CFTR: variants seen among roughly 807,000 people sequenced by gnomAD.
CFTR encodes CF transmembrane conductance regulator.
In CFTR, 181 loss-of-function variants were observed where a neutral mutation model predicts 171.6. The ratio of observed to expected loss-of-function variants is 1.05; its 90% CI spans 0.93 to 1.19. CFTR has a LOEUF of 1.19. CFTR is among the 50% of genes most tolerant of loss of function. CFTR has a pLI of 0.00. For missense variants in CFTR, 1,968 were observed against 1,734.7 expected (o/e 1.13, Z -2.39); for synonymous variants, 583 against 608.0 (o/e 0.96, Z 0.60).
intron 15 of CFTR, among the ~76,000 whole-genome samples, chr7:117,598,395 A>G (rs1353860961): frequency 3.3e-5 from 5 of 152,172 alleles, no homozygotes; most frequent in East Asian, 1.9e-4. Context: ...ATAAATTTGT[A>G]AATAACTGAG....
intron 11 of CFTR, among the ~76,000 whole-genome samples, chr7:117,570,413 G>A (rs186017432): frequency 4.8e-4 from 73 of 152,208 alleles, no homozygotes; most frequent in Admixed American, 1.4e-3. Context: ...TGTGTCTTCC[G>A]CAGTTGCTTT....
At position 117,533,079 on chromosome 7, in the gene CFTR, A is replaced by G. The variant is rs186837172; in HGVS notation, c.490-1197A>G. 3.3e-4 allele frequency among the ~76,000 whole-genome samples: 51 copies of G among 152,318 alleles called. No individual in the cohort carries two copies. The East Asian group carries it at 8.7e-3, about 26-fold the overall frequency. On this transcript the variant is annotated intron_variant, in intron 4 of 26. Transcript: ENST00000003084. Reference sequence around the variant, plus strand: ...TGAGCTTTGCCTATACTTTTCAAGAATGCAGAGATAACTAAATTAATAAAA... The same window carrying G: ...TGAGCTTTGCCTATACTTTTCAAGAGTGCAGAGATAACTAAATTAATAAAA...
intron 4 of CFTR, among the ~76,000 whole-genome samples, chr7:117,533,122 A>C (rs1236928644): frequency 6.6e-6 from 1 of 152,168 alleles, no homozygotes; most frequent in Non-Finnish European, 1.5e-5. Context: ...TTGAGTCCTT[A>C]CTGTGCACAC....
chr7:117,623,398 A>G (rs1484868658), intron 21 of CFTR, among the ~76,000 whole-genome samples: 1 of 152,202 alleles, frequency 6.6e-6, no homozygotes, highest in East Asian at 1.9e-4. Context: ...GCTGGGGTTA[A>G]GGAGTTTGCC....
chr7:117,604,923 C>T (rs1208153701), intron 17 of CFTR: 1 of 152,230 alleles, frequency 6.6e-6, no homozygotes, highest in Admixed American at 6.5e-5. Flanking sequence ...ATTGCCTGAG[C>T]TCTGAGTTGG....
chr7:117,535,492 T>A, intron 6 of CFTR, 81 bp downstream of exon 6: 2 of 1,178,166 alleles, frequency 1.7e-6, no homozygotes, highest in Non-Finnish European at 2.5e-6. Flanking sequence ...AGGACTGCTC[T>A]ATGCATAGAA....
At chr7:117,530,839 C>T in intron 3 of CFTR, 60 bp from the exon 4 acceptor site, 1 of 1,154,306 alleles carries the variant, frequency 8.7e-7, no homozygotes, top group African/African-American at 1.5e-5. Context: ...TGTTGAAATT[C>T]TCAGGGTATT....
At chr7:117,556,493 T>C (rs1201958273) in intron 10 of CFTR, among the ~76,000 whole-genome samples, 1 of 150,772 alleles carries the variant, frequency 6.6e-6, no homozygotes, top group Non-Finnish European at 1.5e-5. Context: ...GTTTTCTCTA[T>C]GTTTTATTTG....
At chr7:117,563,402 T>C (rs2115951175) in intron 11 of CFTR, among the ~76,000 whole-genome samples, 1 of 152,284 alleles carries the variant, frequency 6.6e-6, no homozygotes, top group Middle Eastern at 3.4e-3. Context: ...AAGAGTTACA[T>C]AGAGGAATTC....
chr7:117,606,694 T>G lies in CFTR; in HGVS notation c.2929T>G (p.Ser977Ala), dbSNP rs137975784. The G allele has an allele frequency of 1.2e-5, 19 of 1,586,634 alleles. No individual in the cohort carries two copies. The highest frequency in any genetic ancestry group is 1.6e-5 in the Non-Finnish European group (19 of 1,155,424). Residue 977 changes from serine (S) to alanine (A), a missense_variant, in exon 18 of 27, where the codon TCC (serine) becomes GCC (alanine). Coordinates refer to ENST00000003084, the MANE Select transcript of CFTR (RefSeq NM_000492.4). ...TATAGGTGGGATTCTTAATAGATTC[T>G]CCAAAGATATAGCAATTTTGGATGA... The part of the protein sequence containing the change: ...LKAGGILNRF[S>A]KDIAILDDLL...
chr7:117,598,138 T>A (rs180801485), intron 15 of CFTR, among the ~76,000 whole-genome samples: 65 of 152,352 alleles, frequency 4.3e-4, no homozygotes, highest in Non-Finnish European at 8.1e-4. Context: ...CCAGCTTTTT[T>A]TGGGTAATTA....
intron 9 of CFTR, among the ~76,000 whole-genome samples, chr7:117,545,172 A>C (rs913103197): frequency 2.0e-5 from 3 of 152,254 alleles, no homozygotes; most frequent in East Asian, 1.9e-4. Context: ...GAACTTGTGC[A>C]GGGAAACTTC....
rs1192202867 is a variant in CFTR, at chr7:117,614,526, T to C, written c.3368-87T>C. On this transcript the variant is annotated intron_variant, in intron 20 of 26. Transcript: ENST00000003084. ...AAATTGAAATGTAAATTTAATGTGATATGTGCCCTAGGAGAAGTGTGAATA... is the reference window on the plus strand; with the variant it reads ...AAATTGAAATGTAAATTTAATGTGACATGTGCCCTAGGAGAAGTGTGAATA... 7.2e-5 allele frequency: 60 copies of C among 836,298 alleles called. 1 individual carries two copies. The South Asian group carries it at 7.4e-4, about 10-fold the overall frequency. 51.8% of individuals were successfully genotyped at this position (836,298 alleles called of 1,614,324 possible). A position where few individuals can be genotyped will look rare whatever the true frequency, so the allele number is the denominator to read the frequency against.
rs180985305 is a variant in CFTR, at chr7:117,562,094, A to C, written c.1584+2439A>C. Among the ~76,000 whole-genome samples the C allele has an allele frequency of 2.6e-5, 4 of 152,318 alleles. No homozygotes were observed. The East Asian group carries it at 7.7e-4, about 29-fold the overall frequency. ...TAATGTACCTAACACAACGTCTTGT[A>C]CAAAGTAGCCATTCAGTAGAGACTA... On this transcript the variant is annotated intron_variant, in intron 11 of 26. Transcript: ENST00000003084.
intron 23 of CFTR, among the ~76,000 whole-genome samples, chr7:117,644,073 T>A (rs1792960022): frequency 6.6e-6 from 1 of 151,926 alleles, no homozygotes; most frequent in Non-Finnish European, 1.5e-5. Context: ...TTTTTTTTCA[T>A]TTCCACTCTT....
chr7:117,582,942 T>C (rs950905699), intron 11 of CFTR, among the ~76,000 whole-genome samples: 2 of 152,152 alleles, frequency 1.3e-5, no homozygotes, highest in Non-Finnish European at 2.9e-5. Context: ...TTCTGATCTC[T>C]TTCTCTAATA....
intron 11 of CFTR, among the ~76,000 whole-genome samples, chr7:117,584,806 G>A (rs1000982878): frequency 3.3e-5 from 5 of 152,030 alleles, no homozygotes; most frequent in African/African-American, 1.2e-4. Context: ...CATGAGCATG[G>A]GATGTGTTTC....
chr7:117,662,940 A>G (rs1236080702), intron 24 of CFTR, among the ~76,000 whole-genome samples: 1 of 152,196 alleles, frequency 6.6e-6, no homozygotes, highest in Non-Finnish European at 1.5e-5. Context: ...GGGGGCAGGA[A>G]GAGGGAGAGT....
rs1369211344 is a variant in CFTR at position 117,490,323 on chromosome 7, A to ACG, written c.53+10177_53+10178insGC. On this transcript the variant is annotated intron_variant, in intron 1 of 26. Transcript: ENST00000003084. ...AGTAGAACCAATGATACACACACAC[A>ACG]CACACACACACACACACACACACAC... Among the ~76,000 whole-genome samples the ACG allele has an allele frequency of 2.1e-5, 3 of 143,226 alleles. No individual in the cohort carries two copies. The East Asian group carries it at 5.9e-4, about 28-fold the overall frequency. The allele number at this position is 143,226 out of a possible 152,430, so 94.0% of individuals were successfully genotyped here.
Sources: allele counts gnomAD v4.1 joint callset (sites outside exome capture counted in the v4.1 genomes callset), GRCh38; gene constraint gnomAD v4.1.1; transcripts MANE v1.5; gene names NCBI Gene and HGNC (gene_info 2026-07-23, HGNC 2026-07-21).